The following PLCL1 variants were observed in gnomAD, a reference collection of about 807,000 sequenced individuals.
PLCL1 encodes the protein phospholipase C like 1 (inactive).
In PLCL1, 41 loss-of-function variants were observed where a neutral mutation model predicts 84.4. That is an observed-to-expected ratio of 0.49 (90% confidence interval 0.38 to 0.63). PLCL1 has a LOEUF of 0.63. Ranked by LOEUF, PLCL1 falls within the 30% of genes least tolerant of loss-of-function variation. The pLI is 0.00. For synonymous variants in PLCL1, 490 were observed against 488.3 expected, an observed-to-expected ratio of 1.00 and a Z score of -0.05; for missense variants, 1,206 against 1,367.8, an observed-to-expected ratio of 0.88 and a Z score of 1.87.
At chr2:198,031,274 G>A (rs113721177) in intron 1 of PLCL1, among the ~76,000 whole-genome samples, 17 of 151,702 alleles carry the variant, frequency 1.1e-4, no homozygotes, top group Admixed American at 4.6e-4. Flanking sequence ...CCTGAGAGGC[G>A]TGAGGATTGC....
chr2:197,919,045 G>T (rs112579916), intron 1 of PLCL1, among the ~76,000 whole-genome samples: 2 of 151,066 alleles, frequency 1.3e-5, no homozygotes, highest in Non-Finnish European at 2.9e-5. Flanking sequence ...AGTGTTAAAA[G>T]ATTTTACTTA....
At chr2:197,842,734 T>C (rs578112024) in intron 1 of PLCL1, among the ~76,000 whole-genome samples, 1 of 152,310 alleles carries the variant, frequency 6.6e-6, no homozygotes, top group East Asian at 1.9e-4. Context: ...ACAAGGCTAT[T>C]ACCAGCACCT....
At chr2:197,992,926 G>A (rs1177141098) in intron 1 of PLCL1, among the ~76,000 whole-genome samples, 1 of 152,134 alleles carries the variant, frequency 6.6e-6, no homozygotes, top group Admixed American at 6.5e-5. Context: ...GGGTACTTGG[G>A]TTACTTCCAT....
intron 1 of PLCL1, among the ~76,000 whole-genome samples, chr2:198,052,427 A>G (rs1017495055): frequency 1.3e-5 from 2 of 152,182 alleles, no homozygotes; most frequent in African/African-American, 4.8e-5. Context: ...TTAAAAAGCA[A>G]GAGATAGCTT....
intron 1 of PLCL1, among the ~76,000 whole-genome samples, chr2:197,910,840 C>T (rs1688472583): frequency 6.6e-6 from 1 of 152,060 alleles, no homozygotes; most frequent in African/African-American, 2.4e-5. Context: ...TTAGTATTTA[C>T]TTCAAAATAA....
intron 1 of PLCL1, among the ~76,000 whole-genome samples, chr2:198,007,937 C>A (rs562264600): frequency 6.6e-6 from 1 of 152,002 alleles, no homozygotes; most frequent in African/African-American, 2.4e-5. Context: ...TCATTGAAAG[C>A]GAGTACTAAT....
At chr2:198,118,402 C>A (rs1289069394) in intron 5 of PLCL1, among the ~76,000 whole-genome samples, 1 of 151,836 alleles carries the variant, frequency 6.6e-6, no homozygotes, top group African/African-American at 2.4e-5. Flanking sequence ...GAGAAAGGAG[C>A]AAATAATAAA....
rs1026717677 is a variant in PLCL1, at chr2:198,051,865, T to C, written c.241-31893T>C. On this transcript the variant is annotated intron_variant, in intron 1 of 5. Transcript: ENST00000428675. ...CTCCTGCCTCAGCCTCCCGAGTAGC[T>C]GGGACTACAGGCATGTGCCACCACG... Among the ~76,000 whole-genome samples, 24 of 151,692 alleles carry C rather than the reference T, an allele frequency of 1.6e-4. No individual in the cohort carries two copies. The Middle Eastern group carries it at 0.01, about 64-fold the overall frequency.
chr2:197,904,041 G>T (rs1014906084), intron 1 of PLCL1, among the ~76,000 whole-genome samples: 57 of 151,858 alleles, frequency 3.8e-4, no homozygotes, highest in Non-Finnish European at 5.9e-5. Flanking sequence ...GGCCTTAGGC[G>T]ATCTGCCCAC....
At chr2:197,983,357 G>A (rs140248324) in intron 1 of PLCL1, among the ~76,000 whole-genome samples, 7 of 151,422 alleles carry the variant, frequency 4.6e-5, no homozygotes, top group African/African-American at 1.7e-4. Flanking sequence ...AGCCTCCTGA[G>A]TAGCTGGGAC....
chr2:198,096,562 G>C (rs1559104140), intron 3 of PLCL1, among the ~76,000 whole-genome samples: 1 of 152,124 alleles, frequency 6.6e-6, no homozygotes, highest in Non-Finnish European at 1.5e-5. Flanking sequence ...ACAGGAGGTT[G>C]CAACTGTAAG....
chr2:197,813,403 A>G (rs1001904265), intron 1 of PLCL1, among the ~76,000 whole-genome samples: 1 of 152,182 alleles, frequency 6.6e-6, no homozygotes, highest in Non-Finnish European at 1.5e-5. Flanking sequence ...TGCTCCCCCT[A>G]GAGGCGTATA....
At chr2:197,851,010 A>G (rs1472302116) in intron 1 of PLCL1, among the ~76,000 whole-genome samples, 7 of 152,212 alleles carry the variant, frequency 4.6e-5, no homozygotes, top group Non-Finnish European at 1.0e-4. Context: ...TGTTTTTCCC[A>G]TAGGAGCTTC....
intron 1 of PLCL1, among the ~76,000 whole-genome samples, chr2:197,875,818 T>C (rs1476462546): frequency 6.6e-6 from 1 of 152,166 alleles, no homozygotes; most frequent in Non-Finnish European, 1.5e-5. Context: ...AGATAGTTGA[T>C]ACATTTTATT....
intron 5 of PLCL1, among the ~76,000 whole-genome samples, chr2:198,118,682 C>A: frequency 6.6e-6 from 1 of 151,818 alleles, no homozygotes; most frequent in Admixed American, 6.6e-5. Context: ...CAGTCTAATC[C>A]CTGAATTGGC....
chr2:197,811,877 A>G (rs1490266014), intron 1 of PLCL1, among the ~76,000 whole-genome samples: 9 of 152,074 alleles, frequency 5.9e-5, no homozygotes. Context: ...GGTAAATTGC[A>G]TGTTGCTGAG....
chr2:197,946,355 C>T (rs890725799), intron 1 of PLCL1, among the ~76,000 whole-genome samples: 20 of 152,020 alleles, frequency 1.3e-4, no homozygotes, highest in African/African-American at 4.8e-4. Context: ...AATGACAGTA[C>T]ATACGATAGA....
chr2:198,083,194 A>T (rs1028845203), intron 1 of PLCL1, among the ~76,000 whole-genome samples: 15 of 152,194 alleles, frequency 9.9e-5, no homozygotes, highest in African/African-American at 3.4e-4. Flanking sequence ...ATTTGCTCAA[A>T]TGAGAGTGAT....
At chr2:197,923,334 G>A (rs1211232855) in intron 1 of PLCL1, among the ~76,000 whole-genome samples, 9 of 146,512 alleles carry the variant, frequency 6.1e-5, no homozygotes, top group African/African-American at 1.8e-4. Flanking sequence ...GGTGGCTGCC[G>A]GGTGGAGAGG....
Sources: gnomAD v4.1 joint callset for allele counts (sites outside exome capture counted in the v4.1 genomes callset) on GRCh38, gnomAD v4.1.1 for gene constraint, MANE v1.5 for transcripts, NCBI Gene and HGNC (gene_info 2026-07-23, HGNC 2026-07-21) for gene names.